RP1L1: variants seen among roughly 807,000 people sequenced by gnomAD.
RP1L1 encodes the protein retinitis pigmentosa 1-like 1 protein.
In RP1L1, 27 loss-of-function variants were observed where a neutral mutation model predicts 15.7. That is an observed-to-expected ratio of 1.72 (90% CI 1.27 to 2.38). The LOEUF (loss-of-function observed/expected upper bound fraction) is 2.38, where lower values mean the gene tolerates loss of function less well. Ranked by LOEUF, RP1L1 falls within the 30% of genes most tolerant of loss-of-function variation. RP1L1 has a pLI of 0.00. For missense variants in RP1L1, 4,798 were observed against 3,075.9 expected (o/e 1.56, Z -13.24); for synonymous variants, 1,813 against 1,276.7 (o/e 1.42, Z -8.96).
intron 1 of RP1L1, among the ~76,000 whole-genome samples, chr8:10,652,971 G>T (rs1029717084): frequency 6.6e-6 from 1 of 152,200 alleles, no homozygotes; most frequent in South Asian, 2.1e-4. Flanking sequence ...GGTGCCCAGT[G>T]CCTCAGGCCA....
At chr8:10,635,670 C>A (rs185880417) in intron 1 of RP1L1, among the ~76,000 whole-genome samples, 85 of 152,294 alleles carry the variant, frequency 5.6e-4, no homozygotes, top group African/African-American at 2.0e-3. Flanking sequence ...TTCCTTCCCT[C>A]GTGACACAGA....
intron 1 of RP1L1, among the ~76,000 whole-genome samples, chr8:10,643,945 A>T (rs1212093207): frequency 6.6e-6 from 1 of 151,882 alleles, no homozygotes; most frequent in Non-Finnish European, 1.5e-5. Flanking sequence ...TCAAGCAGGT[A>T]GACATGGCCA....
chr8:10,623,108 GCGTGA>G lies in RP1L1; in HGVS notation c.89_93del (p.Val30AlafsTer28). The G allele has an allele frequency of 6.2e-7, 1 of 1,613,542 alleles. No individual in the cohort carries two copies. Among genetic ancestry groups the G allele is most frequent in the Non-Finnish European group, 8.5e-7 (1 of 1,179,738 alleles). On this transcript the variant is annotated frameshift_variant, in exon 2 of 4. Transcript: ENST00000382483. LOFTEE classifies it high-confidence loss of function. Reference sequence around the variant, plus strand: ...TTGAGGAAGGTGATCTTCTTGGCTGGCGTGACCTTGGTGACCGAGGGGGTGCGAGC... The same window carrying G: ...TTGAGGAAGGTGATCTTCTTGGCTGGCCTTGGTGACCGAGGGGGTGCGAGC...
intron 1 of RP1L1, among the ~76,000 whole-genome samples, chr8:10,639,143 A>G (rs1798372441): frequency 6.8e-6 from 1 of 146,626 alleles, no homozygotes; most frequent in African/African-American, 2.6e-5. Flanking sequence ...GACTGTCTCA[A>G]AAAAAAAAAA....
In RP1L1 at chr8:10,611,039, T is replaced by G; in HGVS notation, c.3059A>C (p.Gln1020Pro). Residue 1020 changes from glutamine (Q) to proline (P), a missense_variant, in exon 4 of 4, where the codon CAG becomes CCG. Gln to Pro is a moderately conservative substitution (Grantham distance 76). Coordinates refer to ENST00000382483, the MANE Select transcript of RP1L1 (RefSeq NM_178857.6). ...GQQSLEGDPG[Q>P]DPEPEGALLG... The stretch of plus-strand genomic sequence containing the variant: ...GAGGGCTCCCTCTGGCTCTGGGTCC[T>G]GGCCGGGGTCCCCTTCCAGGGACTG... 1 of 1,612,794 alleles carries G rather than the reference T, an allele frequency of 6.2e-7. No homozygotes were observed. The highest frequency in any genetic ancestry group is 8.5e-7 in the Non-Finnish European group (1 of 1,179,990).
chr8:10,650,169 G>T (rs2117269589), intron 1 of RP1L1, among the ~76,000 whole-genome samples: 1 of 152,284 alleles, frequency 6.6e-6, no homozygotes, highest in African/African-American at 2.4e-5. Flanking sequence ...ACCACCACGT[G>T]ATCATGAGGA....
chr8:10,609,309 C>A lies in RP1L1; in HGVS notation c.4789G>T (p.Gly1597Trp). The change falls in exon 4 of 4, where the codon GGG becomes TGG. Residue 1597 changes from glycine to tryptophan, a missense_variant. By Grantham distance (184) the Gly-to-Trp change is radical. Transcript: ENST00000382483. Reference protein sequence around the residue: ...VLEPPREALTGELLLQTQQRR... With the variant: ...VLEPPREALTWELLLQTQQRR... ...TGCTGGGTCTGCAGGAGCAGCTCCC[C>A]GGTGAGGGCCTCCCTTGGAGGCTCC... The A allele has an allele frequency of 6.2e-7, 1 of 1,611,438 alleles. No homozygotes were observed. The highest frequency in any genetic ancestry group is 8.5e-7 in the Non-Finnish European group (1 of 1,179,718).
Position 10,622,956 on chromosome 8 carries a change from G to A in RP1L1, c.246C>T (p.Thr82=), listed in dbSNP as rs747378535. 3 of 1,614,092 alleles carry A rather than the reference G, an allele frequency of 1.9e-6. No individual in the cohort carries two copies. The highest frequency in any genetic ancestry group is 1.7e-4 in the Middle Eastern group (1 of 6,056). ...VPLSFGVRSV[T]TPRGLHSLSA... ...TGAGGCTATGCAGGCCCCGGGGTGT[G>A]GTGACAGAGCGCACCCCAAAGGAGA... Residue 82 remains threonine (T), a synonymous_variant, in exon 2 of 4, where the codon ACC becomes ACT. Coordinates refer to ENST00000382483, the MANE Select transcript of RP1L1 (RefSeq NM_178857.6).
At chr8:10,619,168 C>T (rs1387757875) in intron 2 of RP1L1, among the ~76,000 whole-genome samples, 1 of 152,184 alleles carries the variant, frequency 6.6e-6, no homozygotes, top group Non-Finnish European at 1.5e-5. Context: ...CCATGACTGG[C>T]CCAGTACTGC....
chr8:10,631,389 A>ACACACACG (rs1285753448), intron 1 of RP1L1, among the ~76,000 whole-genome samples: 58 of 122,248 alleles, frequency 4.7e-4, no homozygotes, highest in East Asian at 4.7e-3. Context: ...ACACACATGC[A>ACACACACG]CACACACGCA....
rs750699295 is a variant in RP1L1, at chr8:10,609,787, G to C, written c.4311C>G (p.Ala1437=). 3 of 1,613,920 alleles carry C rather than the reference G, an allele frequency of 1.9e-6. No homozygotes were observed. The highest frequency in any genetic ancestry group is 2.5e-6 in the Non-Finnish European group (3 of 1,180,042). ...VQEEEAGRAS[A]SAEPCPAEGT... ...CCTCTGCGGGGCACGGCTCTGCAGAGGCAGAGGCTCTTCCTGCTTCCTCCT... is the reference window on the plus strand; with the variant it reads ...CCTCTGCGGGGCACGGCTCTGCAGACGCAGAGGCTCTTCCTGCTTCCTCCT... The change falls in exon 4 of 4, where the codon GCC becomes GCG. Residue 1437 remains alanine, a synonymous_variant. Coordinates refer to ENST00000382483, the MANE Select transcript of RP1L1 (RefSeq NM_178857.6).
intron 2 of RP1L1, among the ~76,000 whole-genome samples, chr8:10,618,115 T>C (rs1383907318): frequency 6.6e-6 from 1 of 152,246 alleles, no homozygotes; most frequent in Non-Finnish European, 1.5e-5. Flanking sequence ...CAAGCATTGA[T>C]GTTGGCTCTC....
chr8:10,645,406 T>A (rs1322001843), intron 1 of RP1L1, among the ~76,000 whole-genome samples: 2 of 152,156 alleles, frequency 1.3e-5, no homozygotes, highest in African/African-American at 4.8e-5. Context: ...AAGGAAAAGG[T>A]AAAAATTTAA....
chr8:10,642,498 A>T (rs931662457), intron 1 of RP1L1, among the ~76,000 whole-genome samples: 1 of 152,234 alleles, frequency 6.6e-6, no homozygotes, highest in Non-Finnish European at 1.5e-5. Flanking sequence ...TTTTGTTACC[A>T]TAGTGAAACC....
chr8:10,622,515 T>A (rs1798076605), intron 2 of RP1L1, 78 bp downstream of exon 2: 1 of 1,590,918 alleles, frequency 6.3e-7, no homozygotes, highest in African/African-American at 1.3e-5. Flanking sequence ...TAAGGAATAA[T>A]CTCTCTCTTC....
At chr8:10,643,817 G>C (rs1033277591) in intron 1 of RP1L1, among the ~76,000 whole-genome samples, 1 of 152,038 alleles carries the variant, frequency 6.6e-6, no homozygotes, top group African/African-American at 2.4e-5. Context: ...GCGGGGCAGA[G>C]CATCCAGTTC....
intron 1 of RP1L1, among the ~76,000 whole-genome samples, chr8:10,624,837 G>C (rs1032300465): frequency 2.0e-5 from 3 of 152,188 alleles, no homozygotes; most frequent in Admixed American, 6.5e-5. Flanking sequence ...GGCTGAGTGG[G>C]TTTGAGTTGG....
rs757153975 is a variant in RP1L1 at position 10,611,939 on chromosome 8, C to T, written c.2159G>A (p.Arg720Lys). 11 of 1,613,770 alleles carry T rather than the reference C, an allele frequency of 6.8e-6. No individual in the cohort carries two copies. Among genetic ancestry groups the T allele is most frequent in the East Asian group, 2.2e-5 (1 of 44,896 alleles). ...AGGAAGAGAGCCCGAGGAGGGAGGTCTCAGGTTCCCAGAGGCCTGTGTCCT... is the reference window on the plus strand; with the variant it reads ...AGGAAGAGAGCCCGAGGAGGGAGGTTTCAGGTTCCCAGAGGCCTGTGTCCT... ...STRTQASGNL[R>K]PPSSGSLPSQ... Residue 720 changes from arginine (R) to lysine (K), a missense_variant, in exon 4 of 4, where the codon AGA becomes AAA. Coordinates refer to ENST00000382483, the MANE Select transcript of RP1L1 (RefSeq NM_178857.6).
chr8:10,614,152 T>A (rs1292228361), intron 3 of RP1L1, among the ~76,000 whole-genome samples: 2 of 152,088 alleles, frequency 1.3e-5, no homozygotes, highest in East Asian at 3.9e-4. Flanking sequence ...GCAGGTGAAA[T>A]CAATAAACTG....
Sources: gnomAD v4.1 joint callset for allele counts (sites outside exome capture counted in the v4.1 genomes callset) on GRCh38, gnomAD v4.1.1 for gene constraint, MANE v1.5 for transcripts, NCBI Gene and HGNC (gene_info 2026-07-23, HGNC 2026-07-21) for gene names.